BDP1: variants seen among roughly 807,000 people sequenced by gnomAD.
BDP1 encodes BDP1 general transcription factor IIIB subunit, also known as transcription factor TFIIIB component B'' homolog.
Under a neutral mutation model 266.6 loss-of-function variants are expected in BDP1, and 169 were observed. The ratio of observed to expected loss-of-function variants is 0.63; its 90% confidence interval spans 0.56 to 0.72. The LOEUF (loss-of-function observed/expected upper bound fraction) is 0.72, where lower values mean the gene tolerates loss of function less well. BDP1 is among the 30% of genes least tolerant of loss of function. The pLI is 0.00. For synonymous variants in BDP1, 1,090 were observed against 1,022.4 expected (o/e 1.07, Z -1.26); for missense variants, 3,015 against 3,053.8 (o/e 0.99, Z 0.30).
chr5:71,528,802 C>A (rs893845464), intron 25 of BDP1, among the ~76,000 whole-genome samples: 3 of 152,074 alleles, frequency 2.0e-5, no homozygotes, highest in African/African-American at 7.2e-5. Flanking sequence ...TTATGTGAAA[C>A]CAAGAAAATG....
At chr5:71,533,203 T>C (rs943828142) in intron 26 of BDP1, among the ~76,000 whole-genome samples, 5 of 152,196 alleles carry the variant, frequency 3.3e-5, no homozygotes, top group African/African-American at 7.2e-5. Context: ...ATTATTTTCA[T>C]TTTTTGTGTG....
Position 71,515,024 on chromosome 5 carries a change from A to AC in BDP1, c.4552dup (p.Gln1518ProfsTer3). The AC allele has an allele frequency of 6.2e-7, 1 of 1,613,378 alleles. No homozygotes were observed. Among genetic ancestry groups the AC allele is most frequent in the Non-Finnish European group, 8.5e-7 (1 of 1,179,590 alleles). On this transcript the variant is annotated frameshift_variant, in exon 20 of 39. Transcript: ENST00000358731. LOFTEE classifies it high-confidence loss of function. ...AGGAGGCTGTGATATTGCCATGTAC[A>AC]CAGACTGAAAGGAACCTTTCACCTT...
At position 71,510,013 on chromosome 5, in the gene BDP1, C is replaced by CTGA; in HGVS notation, c.2924_2926dup (p.Asp975dup). The stretch of plus-strand genomic sequence containing the variant: ...CCAAGGGAGAAGACACCAGAGGTGA[C>CTGA]TGATGCCACTGAGGAAATAGACAAA... On this transcript the variant is annotated inframe_insertion, in exon 17 of 39. Coordinates refer to ENST00000358731, the MANE Select transcript of BDP1 (RefSeq NM_018429.3). 1 of 1,601,972 alleles carries CTGA rather than the reference C, an allele frequency of 6.2e-7. No individual in the cohort carries two copies. Among genetic ancestry groups the CTGA allele is most frequent in the Non-Finnish European group, 8.5e-7 (1 of 1,175,488 alleles).
chr5:71,512,394 G>T lies in BDP1; in HGVS notation c.4213G>T (p.Asp1405Tyr). The T allele has an allele frequency of 6.3e-6, 10 of 1,578,602 alleles. No homozygotes were observed. The highest frequency in any genetic ancestry group is 8.5e-6 in the Non-Finnish European group (10 of 1,170,052). Residue 1405 changes from aspartate to tyrosine, a missense_variant, in exon 18 of 39, where the codon GAT becomes TAT. Physicochemically the swap from Asp to Tyr is radical, Grantham distance 160 (BLOSUM62 -3). Around this residue, in one of 3 missense-constraint regions of BDP1, gnomAD observed 2,383 missense variants for 2,404.9 expected, o/e 0.99. Transcript: ENST00000358731. ...AGAAGTCCAGGGGATTCAATCTCCA[G>T]ATGTTCCAGAGCAGTTTTCAGATAT... is the stretch of plus-strand genomic sequence containing the variant. Reference protein sequence around the residue: ...KTEVQGIQSPDVPEQFSDINL... With the variant: ...KTEVQGIQSPYVPEQFSDINL...
intron 16 of BDP1, among the ~76,000 whole-genome samples, chr5:71,507,928 A>G (rs1764671755): frequency 6.6e-6 from 1 of 152,180 alleles, no homozygotes; most frequent in South Asian, 2.1e-4. Context: ...TATAGGACCT[A>G]AAGAAGTTGA....
chr5:71,506,822 CA>C (rs199766854), intron 16 of BDP1, among the ~76,000 whole-genome samples: 3,816 of 140,898 alleles, frequency 0.027, 94 homozygotes, highest in Admixed American at 0.054. Flanking sequence ...CACACACACA[CA>C]CCCATATTTT....
At chr5:71,574,530 A>G in the BDP1 span, among the ~76,000 whole-genome samples, 1 of 152,210 alleles carries the variant, frequency 6.6e-6, no homozygotes, top group African/African-American at 2.4e-5. Flanking sequence ...AGAAAGAATC[A>G]TGTTAGTTGG....
At chr5:71,557,234 G>A (rs1743284033) in intron 36 of BDP1, among the ~76,000 whole-genome samples, 1 of 151,958 alleles carries the variant, frequency 6.6e-6, no homozygotes, top group Non-Finnish European at 1.5e-5. Context: ...GCCAAGACAG[G>A]TTCTCACTCT....
Position 71,491,018 on chromosome 5 carries a change from A to G in BDP1, c.1527A>G (p.Glu509=). The G allele has an allele frequency of 6.2e-7, 1 of 1,613,126 alleles. No homozygotes were observed. Among genetic ancestry groups the G allele is most frequent in the Non-Finnish European group, 8.5e-7 (1 of 1,179,536 alleles). Residue 509 remains glutamate (E), a synonymous_variant, in exon 11 of 39, where the codon GAA becomes GAG. Coordinates refer to ENST00000358731, the MANE Select transcript of BDP1 (RefSeq NM_018429.3). Reference sequence around the variant, plus strand: ...AGGCTATAAGGCCTGAGCTAAAGGAAGGTGAATGCAGTAAGGAGCAGATGC... The same window carrying G: ...AGGCTATAAGGCCTGAGCTAAAGGAGGGTGAATGCAGTAAGGAGCAGATGC... The part of the protein sequence containing the change: ...KCQAIRPELK[E]GECSKEQMLS...
rs749584949 is a variant in BDP1, at chr5:71,455,942, C to G, written c.65C>G (p.Ser22Cys). ...AGGCCTGGTGTAGGCGCCAGGGGCT[C>G]CACAGCTTCCAATCCCCAGCGTGGA... ...NVRPGVGARG[S>C]TASNPQRGRE... The change falls in exon 1 of 39, where the codon TCC becomes TGC. Residue 22 changes from serine to cysteine, a missense_variant. By Grantham distance (112) the Ser-to-Cys change is moderately radical. Transcript: ENST00000358731. 5 of 1,612,288 alleles carry G rather than the reference C, an allele frequency of 3.1e-6. No homozygotes were observed. The highest frequency in any genetic ancestry group is 1.7e-4 in the Middle Eastern group (1 of 6,054).
At chr5:71,563,041 A>G (rs1361480451) in intron 38 of BDP1, 2 of 380,258 alleles carry the variant, frequency 5.3e-6, no homozygotes, top group South Asian at 3.4e-5. Flanking sequence ...TGTAAAGAAC[A>G]TCTTTAAACT....
chr5:71,501,687 A>AT (rs1255102829), intron 14 of BDP1, 34 bp downstream of exon 14: 1 of 1,201,678 alleles, frequency 8.3e-7, no homozygotes, highest in African/African-American at 1.5e-5. Context: ...AAAAAAAAAA[A>AT]AAAAAAGTAA....
chr5:71,557,315 C>A lies in BDP1; in HGVS notation c.7240+390C>A, dbSNP rs191234294. Among the ~76,000 whole-genome samples the A allele has an allele frequency of 6.1e-3, 926 of 151,930 alleles. 11 individuals are homozygous for A. Among genetic ancestry groups the A allele is most frequent in the African/African-American group, 0.021 (851 of 41,398 alleles). On this transcript the variant is annotated intron_variant, in intron 36 of 38. Coordinates refer to ENST00000358731, the MANE Select transcript of BDP1 (RefSeq NM_018429.3). ...CCTCCACCTCCCAGGCTCAAGCAAT[C>A]CTCCCACCTCAGCCTCCTAACTAGC...
intron 36 of BDP1, among the ~76,000 whole-genome samples, chr5:71,558,921 A>C (rs1460606919): frequency 6.6e-6 from 1 of 152,040 alleles, no homozygotes; most frequent in African/African-American, 2.4e-5. Flanking sequence ...TGGGTTGCCA[A>C]AGTTGGTGGG....
At chr5:71,470,205 A>G (rs1466631042) in intron 6 of BDP1, among the ~76,000 whole-genome samples, 190 bp from the exon 7 acceptor site, 2 of 152,120 alleles carry the variant, frequency 1.3e-5, no homozygotes, top group African/African-American at 4.8e-5. Flanking sequence ...CTGGGATTAT[A>G]GGTGTGAGCC....
chr5:71,475,092 A>AT (rs965166120), intron 7 of BDP1, among the ~76,000 whole-genome samples: 114 of 150,294 alleles, frequency 7.6e-4, no homozygotes, highest in African/African-American at 2.4e-3. Flanking sequence ...CTTTATTTTA[A>AT]TTTTTTTTTT....
chr5:71,522,170 T>C, intron 22 of BDP1, 119 bp from the exon 23 acceptor site: 1 of 728,196 alleles, frequency 1.4e-6, no homozygotes, highest in South Asian at 2.0e-5. Context: ...ATTGCCAATT[T>C]ATATATAGTC....
chr5:71,537,149 C>CAAAAAAAA (rs70992979), intron 26 of BDP1, among the ~76,000 whole-genome samples: 1,405 of 81,928 alleles, frequency 0.017, no homozygotes, highest in African/African-American at 0.018. Flanking sequence ...ACCAAAAAAC[C>CAAAAAAAA]AAAAAAAAAA....
chr5:71,540,334 T>C (rs1766888613), intron 28 of BDP1, among the ~76,000 whole-genome samples: 1 of 152,144 alleles, frequency 6.6e-6, no homozygotes, highest in South Asian at 2.1e-4. Flanking sequence ...ATTCATCTTA[T>C]TTATTTATTT....
Sources: allele counts gnomAD v4.1 joint callset (sites outside exome capture counted in the v4.1 genomes callset), GRCh38; gene constraint gnomAD v4.1.1; regional missense constraint gnomAD v4.1.1; transcripts MANE v1.5; gene names NCBI Gene and HGNC (gene_info 2026-07-23, HGNC 2026-07-21).